NAV1: variants seen among roughly 807,000 people sequenced by gnomAD.
The protein encoded by NAV1 is pore membrane and/or filament interacting like protein 3.
NAV1 carries 18 observed loss-of-function variants against 175.2 expected under a neutral mutation model. That is an observed-to-expected ratio of 0.10 (90% CI 0.07 to 0.15). The LOEUF (loss-of-function observed/expected upper bound fraction) is 0.15. NAV1 is among the 10% of genes least tolerant of loss of function. The probability of loss-of-function intolerance (pLI) is 1.00; values close to 1 mark genes in which losing one functional copy is unlikely to be tolerated. For missense variants in NAV1, 1,731 were observed against 2,436.6 expected, an observed-to-expected ratio of 0.71 and a Z score of 6.10; for synonymous variants, 897 against 978.7, an observed-to-expected ratio of 0.92 and a Z score of 1.56.
At chr1:201,765,381 CTT>C (rs59583786) in intron 3 of NAV1, among the ~76,000 whole-genome samples, 1,611 of 98,562 alleles carry the variant, frequency 0.016, 5 homozygotes, top group Non-Finnish European at 0.022. Context: ...AGGAAATATT[CTT>C]TTTTTTTTTT....
intron 15 of NAV1, among the ~76,000 whole-genome samples, chr1:201,802,305 C>CA (rs34854602): frequency 0.43 from 17,085 of 40,012 alleles, 3,892 homozygotes; most frequent in Non-Finnish European, 0.52. Context: ...AACACCTTCT[C>CA]AAAAAAAAAA....
intron 14 of NAV1, 63 bp downstream of exon 18, chr1:201,793,938 G>C: frequency 7.1e-7 from 1 of 1,402,976 alleles, no homozygotes; most frequent in Non-Finnish European, 9.9e-7. Context: ...TGGACAGAGA[G>C]GCCGAAGCTG....
At chr1:201,816,257 G>A (rs559525519) in intron 28 of NAV1, among the ~76,000 whole-genome samples, 4 of 152,254 alleles carry the variant, frequency 2.6e-5, no homozygotes, top group Admixed American at 2.6e-4. Flanking sequence ...TGTAATCCCA[G>A]CTAGTTGGGA....
intron 1 of NAV1, among the ~76,000 whole-genome samples, chr1:201,562,109 G>A (rs73082557): frequency 0.071 from 10,709 of 151,532 alleles, 592 homozygotes; most frequent in African/African-American, 0.16. Flanking sequence ...GGCTCAGGCG[G>A]TTCTCCCACC....
intron 1 of NAV1, among the ~76,000 whole-genome samples, chr1:201,569,292 C>G (rs1283167321): frequency 6.6e-6 from 1 of 152,202 alleles, no homozygotes; most frequent in African/African-American, 2.4e-5. Flanking sequence ...GGTAGGCAAC[C>G]AGCAGCTGCA....
intron 1 of NAV1, among the ~76,000 whole-genome samples, chr1:201,672,254 GT>G (rs1489596280): frequency 2.0e-5 from 3 of 152,148 alleles, no homozygotes; most frequent in African/African-American, 7.2e-5. Flanking sequence ...ATATATTTAA[GT>G]TTTTTGTATG....
At chr1:201,593,841 C>T (rs1016069828) in intron 2 of NAV1, among the ~76,000 whole-genome samples, 1 of 152,156 alleles carries the variant, frequency 6.6e-6, no homozygotes, top group Non-Finnish European at 1.5e-5. Context: ...TGCTTTTGCT[C>T]TAGTTGCAGC....
chr1:201,622,278 C>T (rs117288089), upstream of NAV1, among the ~76,000 whole-genome samples: 2 of 152,260 alleles, frequency 1.3e-5, no homozygotes, highest in East Asian at 3.9e-4. Flanking sequence ...CAGCATTTGC[C>T]AATTTACAAG....
chr1:201,613,448 T>G (rs1667911492), intron 2 of NAV1, among the ~76,000 whole-genome samples: 1 of 152,198 alleles, frequency 6.6e-6, no homozygotes, highest in Non-Finnish European at 1.5e-5. Flanking sequence ...AATTGGAAAT[T>G]TGGGGCAGAA....
chr1:201,699,147 A>G (rs1671306385), intron 1 of NAV1, among the ~76,000 whole-genome samples: 1 of 152,224 alleles, frequency 6.6e-6, no homozygotes, highest in Admixed American at 6.5e-5. Flanking sequence ...AGGAAGTCAA[A>G]TTGCCCCTGT....
chr1:201,547,797 A>G (rs1156946253), intron 1 of NAV1, among the ~76,000 whole-genome samples: 1 of 152,032 alleles, frequency 6.6e-6, no homozygotes, highest in Admixed American at 6.6e-5. Context: ...CTTTTTTTAA[A>G]TTACTATTAT....
intron 1 of NAV1, among the ~76,000 whole-genome samples, chr1:201,669,127 A>T (rs1669942660): frequency 6.6e-6 from 1 of 152,212 alleles, no homozygotes; most frequent in Non-Finnish European, 1.5e-5. Flanking sequence ...TCGGGTATCT[A>T]CTATATGCCA....
In NAV1 at chr1:201,604,356, A is replaced by G. The variant is rs547555226; in HGVS notation, c.-33+15707A>G. Among the ~76,000 whole-genome samples, 4 of 152,226 alleles carry G rather than the reference A, an allele frequency of 2.6e-5. No individual in the cohort carries two copies. In the South Asian group the frequency reaches 8.3e-4, roughly 32 times the overall value. ...CAGGTGTGAGCCACCGTGCCTGGCTACTATTCCTATTTTATAGATAAGAAA... is the reference window on the plus strand; with the variant it reads ...CAGGTGTGAGCCACCGTGCCTGGCTGCTATTCCTATTTTATAGATAAGAAA... On this transcript the variant is annotated intron_variant, in intron 2 of 33. Transcript: ENST00000685211.
chr1:201,646,351 CTCT>C (rs945625716), upstream of NAV1, among the ~76,000 whole-genome samples: 1 of 152,222 alleles, frequency 6.6e-6, no homozygotes. Flanking sequence ...TCCTCCACTC[CTCT>C]TGTTATTCTT....
chr1:201,773,520 A>G (rs1675728540), intron 3 of NAV1, among the ~76,000 whole-genome samples: 1 of 152,260 alleles, frequency 6.6e-6, no homozygotes, highest in Admixed American at 6.5e-5. Context: ...AGAGGACATT[A>G]GGCTCTGAAC....
chr1:201,749,959 C>T (rs937409650), intron 3 of NAV1, among the ~76,000 whole-genome samples: 1 of 152,168 alleles, frequency 6.6e-6, no homozygotes. Flanking sequence ...ATATGTAGGA[C>T]TTGAAAGGTT....
Position 201,807,880 on chromosome 1 carries a change from G to A in NAV1, c.3649-73G>A. On this transcript the variant is annotated intron_variant, in intron 17 of 29. Transcript: ENST00000367296. The surrounding 1 kb of genome is among the most constrained non-coding windows in gnomAD (Gnocchi z 5.4). ...GCCTCCAGCTCTCTCTGTCTCAGAA[G>A]TCTCAATCCAGTCCTCCCCCATCCC... 6.9e-7 allele frequency: 1 copy of A among 1,453,932 alleles called. No individual in the cohort carries two copies. The highest frequency in any genetic ancestry group is 9.6e-7 in the Non-Finnish European group (1 of 1,045,694). The allele number at this position is 1,453,932 out of a possible 1,614,324, so 90.1% of individuals were successfully genotyped here.
chr1:201,729,366 C>G (rs1254495687), intron 3 of NAV1, among the ~76,000 whole-genome samples: 1 of 152,196 alleles, frequency 6.6e-6, no homozygotes. Flanking sequence ...ACTTGGTGGC[C>G]AGGCACAGTG....
chr1:201,584,768 C>A (rs1459393459), intron 1 of NAV1, among the ~76,000 whole-genome samples: 1 of 152,228 alleles, frequency 6.6e-6, no homozygotes, highest in Non-Finnish European at 1.5e-5. Context: ...GGCCTGGATT[C>A]TGGCTCTTTC....
Sources: gnomAD v4.1 joint callset for allele counts (sites outside exome capture counted in the v4.1 genomes callset) on GRCh38, gnomAD v4.1.1 for gene constraint, Gnocchi (gnomAD v3.1) non-coding constraint, MANE v1.5 for transcripts, NCBI Gene and HGNC (gene_info 2026-07-23, HGNC 2026-07-21) for gene names.